LMAN2: variants seen among roughly 807,000 people sequenced by gnomAD.
LMAN2 encodes vesicular integral-membrane protein VIP36.
In LMAN2, 22 loss-of-function variants were observed where a neutral mutation model predicts 39.3. The ratio of observed to expected loss-of-function variants is 0.56; its 90% confidence interval spans 0.40 to 0.80. The LOEUF (loss-of-function observed/expected upper bound fraction) is 0.80, where lower values mean the gene tolerates loss of function less well. Ranked by LOEUF, LMAN2 falls within the 30% of genes least tolerant of loss-of-function variation. The probability of loss-of-function intolerance (pLI) is 0.00; values close to 1 mark genes in which losing one functional copy is unlikely to be tolerated. For missense variants in LMAN2, 494 were observed against 505.4 expected, an observed-to-expected ratio of 0.98 and a Z score of 0.22; for synonymous variants, 207 against 207.8, an observed-to-expected ratio of 1.00 and a Z score of 0.03.
At position 177,332,249 on chromosome 5, in the gene LMAN2, G is replaced by A. The variant is rs374990517; in HGVS notation, c.911-3C>T. 6.0e-5 allele frequency: 96 copies of A among 1,611,368 alleles called. No homozygotes were observed. Among genetic ancestry groups the A allele is most frequent in the Admixed American group, 2.0e-4 (12 of 59,792 alleles). Reference sequence around the variant, plus strand: ...CCCCGTGGGGTCGTCCACGTTGTCTGGGGGAGAAGAAACGGGGGAGCTGAA... The same window carrying A: ...CCCCGTGGGGTCGTCCACGTTGTCTAGGGGAGAAGAAACGGGGGAGCTGAA... On this transcript the variant is annotated splice_region_variant and splice_polypyrimidine_tract_variant and intron_variant, in intron 7 of 7. Transcript: ENST00000303127. This position sits in a 1 kb window ranked among gnomAD's most constrained non-coding sequence, Gnocchi z 6.3.
At position 177,351,612 on chromosome 5, in the gene LMAN2, C is replaced by G. The variant is rs201780271; in HGVS notation, c.36G>C (p.Trp12Cys). The G allele has an allele frequency of 1.9e-4, 308 of 1,604,094 alleles. No homozygotes were observed. Among genetic ancestry groups the G allele is most frequent in the Non-Finnish European group, 2.5e-4 (300 of 1,176,878 alleles). ...CAGGCCTTCCCAGGCACCGCCGGCCCCAGCCCCAACGCCAAATCCAGCCTT... is the reference window on the plus strand; with the variant it reads ...CAGGCCTTCCCAGGCACCGCCGGCCGCAGCCCCAACGCCAAATCCAGCCTT... ...AAEGWIWRWG[W>C]GRRCLGRPGL... Residue 12 changes from tryptophan (W) to cysteine (C), a missense_variant, in exon 1 of 8, where the codon TGG (tryptophan) becomes TGC (cysteine). Trp to Cys is a radical substitution (Grantham distance 215). Coordinates refer to ENST00000303127, the MANE Select transcript of LMAN2 (RefSeq NM_006816.3).
chr5:177,342,503 G>A (rs1035921237), intron 2 of LMAN2, among the ~76,000 whole-genome samples: 8 of 152,002 alleles, frequency 5.3e-5, no homozygotes, highest in East Asian at 1.9e-4. Flanking sequence ...CAGGCAACAC[G>A]GTGAAAACCT....
chr5:177,342,691 A>G (rs535661601), intron 2 of LMAN2, among the ~76,000 whole-genome samples: 65 of 152,130 alleles, frequency 4.3e-4, no homozygotes, highest in African/African-American at 1.5e-3. Context: ...GCCTCAAAAA[A>G]CAATAAACAA....
rs1022057011 is a variant in LMAN2 at position 177,337,540 on chromosome 5, C to T, written c.514-16G>A. ...GGAACACGCGCTGGGACCAAGACAT[C>T]GGTTACTCCACAAGCAGCCCAGCCT... On this transcript the variant is annotated splice_polypyrimidine_tract_variant and intron_variant, in intron 4 of 7. Coordinates refer to ENST00000303127, the MANE Select transcript of LMAN2 (RefSeq NM_006816.3). The surrounding 1 kb of genome is among the most constrained non-coding windows in gnomAD (Gnocchi z 8.2). The T allele has an allele frequency of 1.4e-5, 22 of 1,612,360 alleles. No individual in the cohort carries two copies. Among genetic ancestry groups the T allele is most frequent in the Middle Eastern group, 1.6e-4 (1 of 6,080 alleles).
chr5:177,351,030 A>G (rs1761714232), intron 2 of LMAN2, 143 bp downstream of exon 2: 1 of 739,578 alleles, frequency 1.4e-6, no homozygotes, highest in Admixed American at 1.9e-5. Flanking sequence ...ATCGCCTCTT[A>G]TTATTGGTGG....
intron 2 of LMAN2, among the ~76,000 whole-genome samples, chr5:177,348,556 T>G (rs768177435): frequency 6.6e-6 from 1 of 151,644 alleles, no homozygotes. Flanking sequence ...GACATGGCAG[T>G]GCGCGCCTGT....
intron 7 of LMAN2, 59 bp downstream of exon 7, chr5:177,334,225 T>A: frequency 6.4e-7 from 1 of 1,554,204 alleles, no homozygotes; most frequent in Non-Finnish European, 8.7e-7. Flanking sequence ...CAGGCTGGCT[T>A]CACCCCATTC....
intron 6 of LMAN2, 53 bp from the exon 7 acceptor site, chr5:177,334,456 G>A (rs1172012367): frequency 1.0e-5 from 16 of 1,576,454 alleles, no homozygotes; most frequent in East Asian, 2.3e-5. Context: ...CGCAGGGCAC[G>A]TGGCCCAAGA....
intron 2 of LMAN2, among the ~76,000 whole-genome samples, chr5:177,345,049 G>A (rs1464072066): frequency 2.0e-5 from 3 of 151,626 alleles, no homozygotes; most frequent in Non-Finnish European, 4.4e-5. Context: ...TCTTTTAAAT[G>A]CCATTGTCAG....
chr5:177,349,977 G>C (rs1051366327), intron 2 of LMAN2, among the ~76,000 whole-genome samples: 6 of 152,202 alleles, frequency 3.9e-5, no homozygotes, highest in Non-Finnish European at 5.9e-5. Flanking sequence ...GGCAGCCAGG[G>C]GGGGCTGGAA....
At position 177,338,539 on chromosome 5, in the gene LMAN2, G is replaced by A. The variant is rs748999920; in HGVS notation, c.382C>T (p.Leu128Phe). 1 of 1,614,272 alleles carries A rather than the reference G, an allele frequency of 6.2e-7. No homozygotes were observed. Among genetic ancestry groups the A allele is most frequent in the Non-Finnish European group, 8.5e-7 (1 of 1,180,044 alleles). Residue 128 changes from leucine to phenylalanine, a missense_variant, in exon 3 of 8, where the codon CTC becomes TTC. By Grantham distance (22) the Leu-to-Phe change is conservative. Coordinates refer to ENST00000303127, the MANE Select transcript of LMAN2 (RefSeq NM_006816.3). ...FKVHGTGKKNLHGDGIALWYT... is the reference protein window; with the variant it reads ...FKVHGTGKKNFHGDGIALWYT... ...CACAAGGCGATGCCGTCTCCATGGA[G>A]GTTCTTCTTCCCTGTGCCGTGGACT... is the stretch of plus-strand genomic sequence containing the variant.
At chr5:177,346,256 G>T in intron 2 of LMAN2, 1 of 235,204 alleles carries the variant, frequency 4.3e-6, no homozygotes. Flanking sequence ...AAGGCTTCGA[G>T]AATCACCACA....
intron 2 of LMAN2, among the ~76,000 whole-genome samples, chr5:177,350,185 C>A (rs1425315749): frequency 6.6e-6 from 1 of 152,122 alleles, no homozygotes; most frequent in African/African-American, 2.4e-5. Flanking sequence ...ACGGGCAGAC[C>A]AGGCAACACA....
intron 2 of LMAN2, among the ~76,000 whole-genome samples, chr5:177,346,592 T>C (rs1356175864): frequency 6.6e-6 from 1 of 152,126 alleles, no homozygotes; most frequent in Non-Finnish European, 1.5e-5. Context: ...TGTACCTAAT[T>C]TGGCCTCAAA....
chr5:177,335,230 G>A lies in LMAN2; in HGVS notation c.791-827C>T, dbSNP rs368077651. On this transcript the variant is annotated intron_variant, in intron 6 of 7. Coordinates refer to ENST00000303127, the MANE Select transcript of LMAN2 (RefSeq NM_006816.3). ...AGCATGCACAGCCCTTGGAGACGGC[G>A]AGCGGCCCTGCAGGACAAGGACCGG... 2.6e-5 allele frequency among the ~76,000 whole-genome samples: 4 copies of A among 152,230 alleles called. No homozygotes were observed. In the East Asian group the frequency reaches 5.8e-4, roughly 22 times the overall value.
intron 2 of LMAN2, among the ~76,000 whole-genome samples, chr5:177,340,833 C>G (rs1026450982): frequency 6.6e-6 from 1 of 151,292 alleles, no homozygotes; most frequent in African/African-American, 2.4e-5. Context: ...CTGCTCACTG[C>G]GAGCTCTGCC....
At position 177,332,217 on chromosome 5, in the gene LMAN2, G is replaced by C. The variant is rs754893129; in HGVS notation, c.940C>G (p.Arg314Gly). The C allele has an allele frequency of 1.2e-6, 2 of 1,612,944 alleles. No individual in the cohort carries two copies. The highest frequency in any genetic ancestry group is 8.5e-7 in the Non-Finnish European group (1 of 1,179,798). ...DNVDDPTGNF[R>G]SGPLTGWRVF... Reference sequence around the variant, plus strand: ...CGCCACCCCGTCAGGGGCCCGCTGCGGAAGTTCCCCGTGGGGTCGTCCACG... The same window carrying C: ...CGCCACCCCGTCAGGGGCCCGCTGCCGAAGTTCCCCGTGGGGTCGTCCACG... The change falls in exon 8 of 8, where the codon CGC becomes GGC. Residue 314 changes from arginine to glycine, a missense_variant. Arg to Gly is a moderately radical substitution (Grantham distance 125). Coordinates refer to ENST00000303127, the MANE Select transcript of LMAN2 (RefSeq NM_006816.3). This position sits in a 1 kb window ranked among gnomAD's most constrained non-coding sequence, Gnocchi z 6.3.
At chr5:177,336,721 G>C (rs980284145) in intron 6 of LMAN2, among the ~76,000 whole-genome samples, 1 of 152,232 alleles carries the variant, frequency 6.6e-6, no homozygotes, top group Non-Finnish European at 1.5e-5. Context: ...AGCAGGTCCA[G>C]AGCGGTCTGG....
intron 2 of LMAN2, among the ~76,000 whole-genome samples, chr5:177,346,826 C>T (rs536026643): frequency 6.6e-6 from 1 of 152,158 alleles, no homozygotes; most frequent in African/African-American, 2.4e-5. Flanking sequence ...TTTAACAAAG[C>T]TCTCTTAGTA....
Sources: allele counts gnomAD v4.1 joint callset (sites outside exome capture counted in the v4.1 genomes callset), GRCh38; gene constraint gnomAD v4.1.1; non-coding constraint Gnocchi (gnomAD v3.1); transcripts MANE v1.5; gene names NCBI Gene and HGNC (gene_info 2026-07-23, HGNC 2026-07-21).